FNIP1: variants seen among roughly 807,000 people sequenced by gnomAD.
The protein encoded by FNIP1 is folliculin-interacting protein 1.
Under a neutral mutation model 124.5 loss-of-function variants are expected in FNIP1, and 40 were observed. The ratio of observed to expected loss-of-function variants is 0.32; its 90% CI spans 0.25 to 0.42. The LOEUF is 0.42. Among genes scored for constraint, FNIP1 ranks in the 10% least tolerant of loss-of-function variants. The pLI is 1.00. For synonymous variants in FNIP1, 472 were observed against 470.6 expected, an observed-to-expected ratio of 1.00 and a Z score of -0.04; for missense variants, 1,176 against 1,403.7, an observed-to-expected ratio of 0.84 and a Z score of 2.59.
intron 15 of FNIP1, among the ~76,000 whole-genome samples, chr5:131,667,425 C>G (rs989818141): frequency 6.6e-6 from 1 of 152,200 alleles, no homozygotes; most frequent in Non-Finnish European, 1.5e-5. Flanking sequence ...AATTTCTCTA[C>G]TATACAATAA....
chr5:131,783,098 G>C (rs1772050573), intron 1 of FNIP1, among the ~76,000 whole-genome samples: 1 of 152,178 alleles, frequency 6.6e-6, no homozygotes, highest in Non-Finnish European at 1.5e-5. Context: ...AATTTGTGTA[G>C]CTTACTTTTT....
intron 11 of FNIP1, among the ~76,000 whole-genome samples, chr5:131,693,353 T>TATATAC (rs1417392589): frequency 4.5e-5 from 6 of 134,232 alleles, no homozygotes; most frequent in Non-Finnish European, 6.3e-5. Context: ...TATATATATA[T>TATATAC]ATATATATAG....
intron 12 of FNIP1, 83 bp downstream of exon 12, chr5:131,678,946 C>T (rs1767990441): frequency 1.1e-6 from 1 of 925,800 alleles, no homozygotes; most frequent in Non-Finnish European, 1.6e-6. Flanking sequence ...AAAATAATTC[C>T]AAAGATAATG....
chr5:131,700,870 C>T (rs1248869361), intron 10 of FNIP1, among the ~76,000 whole-genome samples: 1 of 152,122 alleles, frequency 6.6e-6, no homozygotes, highest in Non-Finnish European at 1.5e-5. Flanking sequence ...AAAATTAAGT[C>T]CCATTCACTT....
In FNIP1 at chr5:131,747,393, A is replaced by G. The variant is rs189110256; in HGVS notation, c.93-2703T>C. On this transcript the variant is annotated intron_variant, in intron 1 of 17. Transcript: ENST00000510461. ...AATCTTTAGTAAATGTCTGTGTGCTAGTAAATGATAAAGACCTACCTAGAC... is the reference window on the plus strand; with the variant it reads ...AATCTTTAGTAAATGTCTGTGTGCTGGTAAATGATAAAGACCTACCTAGAC... Among the ~76,000 whole-genome samples, 16 of 152,344 alleles carry G rather than the reference A, an allele frequency of 1.1e-4. No homozygotes were observed. In the East Asian group the frequency reaches 3.1e-3, roughly 29 times the overall value.
intron 16 of FNIP1, among the ~76,000 whole-genome samples, chr5:131,647,980 G>T (rs1373521946): frequency 6.6e-6 from 1 of 151,768 alleles, no homozygotes; most frequent in Non-Finnish European, 1.5e-5. Context: ...AAAACAGTTT[G>T]CAAAAGTTCA....
intron 11 of FNIP1, among the ~76,000 whole-genome samples, chr5:131,683,378 C>T (rs1220351361): frequency 1.3e-5 from 2 of 151,524 alleles, no homozygotes. Flanking sequence ...GAAACCCTGT[C>T]GCTACTAAAA....
At chr5:131,722,943 C>T (rs911683434) in intron 3 of FNIP1, among the ~76,000 whole-genome samples, 1 of 152,206 alleles carries the variant, frequency 6.6e-6, no homozygotes, top group Non-Finnish European at 1.5e-5. Flanking sequence ...CTTGGCCTCC[C>T]AAAGTGCTGG....
rs201371109 is a variant in FNIP1, at chr5:131,683,712, G to A, written c.1203-4537C>T. On this transcript the variant is annotated intron_variant, in intron 11 of 17. Coordinates refer to ENST00000510461, the MANE Select transcript of FNIP1 (RefSeq NM_133372.3). ...TTTTCTTTTTCAAATATTTTGATCC[G>A]AGGTTGGCTGATTTGCAGATGTGGA... Among the ~76,000 whole-genome samples the A allele has an allele frequency of 3.5e-4, 53 of 151,690 alleles. No homozygotes were observed. In the East Asian group the frequency reaches 8.3e-3, roughly 24 times the overall value.
intron 8 of FNIP1, among the ~76,000 whole-genome samples, chr5:131,707,063 T>C (rs1028829128): frequency 7.9e-5 from 12 of 151,988 alleles, no homozygotes; most frequent in African/African-American, 2.4e-4. Context: ...CCTACTAAGC[T>C]CCAAAAAAAG....
rs1254774785 is a variant in FNIP1, at chr5:131,671,857, G to A, written c.2587C>T (p.His863Tyr). The change falls in exon 14 of 18, where the codon CAT (histidine) becomes TAT (tyrosine). Residue 863 changes from histidine to tyrosine, a missense_variant. By Grantham distance (83) the His-to-Tyr change is moderately conservative. Transcript: ENST00000510461. ...TTTGAAAACTCTAACATACAGCAAT[G>A]GTCTTTACTATCTGTACTTGTTTTA... ...PFKTSTDSKD[H>Y]CCMLEFSKIL... 6.2e-7 allele frequency: 1 copy of A among 1,613,930 alleles called. No individual in the cohort carries two copies. The highest frequency in any genetic ancestry group is 8.5e-7 in the Non-Finnish European group (1 of 1,179,948).
chr5:131,796,700 C>A, intron 1 of FNIP1, 130 bp downstream of exon 1: 1 of 814,996 alleles, frequency 1.2e-6, no homozygotes, highest in Non-Finnish European at 1.9e-6. Context: ...GGCTCCACCC[C>A]ACCGAGGACC....
intron 10 of FNIP1, among the ~76,000 whole-genome samples, chr5:131,702,302 T>C (rs1169298156): frequency 3.3e-5 from 5 of 152,160 alleles, no homozygotes; most frequent in Non-Finnish European, 5.9e-5. Context: ...TCGGCCTCCC[T>C]AGTAGCTGAG....
intron 1 of FNIP1, among the ~76,000 whole-genome samples, chr5:131,757,568 G>A (rs1315486367): frequency 1.3e-5 from 2 of 151,914 alleles, no homozygotes; most frequent in African/African-American, 4.8e-5. Flanking sequence ...CCAAAGTTGG[G>A]TAGTGTGTGG....
chr5:131,785,676 T>C (rs1385314501), intron 1 of FNIP1, among the ~76,000 whole-genome samples: 1 of 152,122 alleles, frequency 6.6e-6, no homozygotes, highest in Non-Finnish European at 1.5e-5. Flanking sequence ...TACTATGTAA[T>C]CTTTAAAAAA....
At chr5:131,697,472 T>C (rs1768738162) in intron 11 of FNIP1, among the ~76,000 whole-genome samples, 2 of 152,158 alleles carry the variant, frequency 1.3e-5, no homozygotes. Context: ...TTTTTATAGC[T>C]AGTTTTATTA....
In FNIP1 at chr5:131,699,651, C is replaced by CA. The variant is rs564361614; in HGVS notation, c.1117-650dup. Among the ~76,000 whole-genome samples, 566 of 152,098 alleles carry CA rather than the reference C, an allele frequency of 3.7e-3. 3 individuals are homozygous for CA. The highest frequency in any genetic ancestry group is 5.5e-3 in the Non-Finnish European group (376 of 67,978). ...TCGTGATCCACCCACCTCAGCCTCC[C>CA]AAAGTGCTGGGGTTATAGGCATGAG... On this transcript the variant is annotated intron_variant, in intron 10 of 17. Coordinates refer to ENST00000510461, the MANE Select transcript of FNIP1 (RefSeq NM_133372.3).
chr5:131,644,453 A>C lies in FNIP1; in HGVS notation c.*232T>G. 2.8e-6 allele frequency: 1 copy of C among 357,146 alleles called. No homozygotes were observed. Among genetic ancestry groups the C allele is most frequent in the Non-Finnish European group, 5.1e-6 (1 of 195,818 alleles). 22.1% of individuals were successfully genotyped at this position (357,146 alleles called of 1,614,324 possible). A position where few individuals can be genotyped will look rare whatever the true frequency, so the allele number is the denominator to read the frequency against. On this transcript the variant is annotated 3_prime_UTR_variant, in exon 18 of 18. Coordinates refer to ENST00000510461, the MANE Select transcript of FNIP1 (RefSeq NM_133372.3). ...TGGCTTTTTCAAATGCTTCAAAATT[A>C]TTGTTGCTTTAATTTCATTTGTTTA...
chr5:131,777,822 A>C (rs1771861881), intron 1 of FNIP1, among the ~76,000 whole-genome samples: 1 of 152,206 alleles, frequency 6.6e-6, no homozygotes, highest in African/African-American at 2.4e-5. Context: ...CTTGTTAGAA[A>C]TACAAATTCC....
Sources: gnomAD v4.1 joint callset for allele counts (sites outside exome capture counted in the v4.1 genomes callset) on GRCh38, gnomAD v4.1.1 for gene constraint, MANE v1.5 for transcripts, NCBI Gene and HGNC (gene_info 2026-07-23, HGNC 2026-07-21) for gene names.